KBTBD8: variants seen among roughly 807,000 people sequenced by gnomAD.
KBTBD8 encodes the protein kelch repeat and BTB domain-containing protein 8.
A neutral mutation model predicts 53.5 loss-of-function variants in KBTBD8; 31 were observed. That is an observed-to-expected ratio of 0.58 (90% CI 0.44 to 0.78). KBTBD8 has a LOEUF of 0.78. Among genes scored for constraint, KBTBD8 ranks in the 30% least tolerant of loss-of-function variants. The pLI, the probability that KBTBD8 is intolerant of heterozygous loss-of-function variation, is 0.00. For synonymous variants in KBTBD8, 250 were observed against 247.3 expected, an observed-to-expected ratio of 1.01 and a Z score of -0.10; for missense variants, 642 against 735.8, an observed-to-expected ratio of 0.87 and a Z score of 1.48.
In KBTBD8 at chr3:67,002,954, T is replaced by C. The variant is rs560118052; in HGVS notation, c.228-241T>C. 1.2e-3 allele frequency among the ~76,000 whole-genome samples: 176 copies of C among 152,328 alleles called. 1 individual carries two copies. Among genetic ancestry groups the C allele is most frequent in the African/African-American group, 4.1e-3 (169 of 41,584 alleles). ...GATTTGCATTTACTTAGGTGTACTCTCCTTTTTTCATAGTTGGCACACAGC... is the reference window on the plus strand; with the variant it reads ...GATTTGCATTTACTTAGGTGTACTCCCCTTTTTTCATAGTTGGCACACAGC... On this transcript the variant is annotated intron_variant, in intron 2 of 3. Transcript: ENST00000417314.
intron 2 of KBTBD8, among the ~76,000 whole-genome samples, chr3:67,000,779 T>G (rs914386308): frequency 4.6e-5 from 7 of 152,112 alleles, no homozygotes; most frequent in African/African-American, 1.7e-4. Context: ...TTACTGAAAT[T>G]TAATAATCTG....
At position 67,003,786 on chromosome 3, in the gene KBTBD8, C is replaced by T; in HGVS notation, c.819C>T (p.Thr273=). 1 of 1,614,136 alleles carries T rather than the reference C, an allele frequency of 6.2e-7. No individual in the cohort carries two copies. The highest frequency in any genetic ancestry group is 8.5e-7 in the Non-Finnish European group (1 of 1,180,012). The change falls in exon 3 of 4, where the codon ACC becomes ACT. Residue 273 remains threonine (T), a synonymous_variant. Transcript: ENST00000417314. Reference sequence around the variant, plus strand: ...GTGTAGAAAAGGGACCATCCAACACCAATGGCTGTACACAGAGGCTTGGAA... The same window carrying T: ...GTGTAGAAAAGGGACCATCCAACACTAATGGCTGTACACAGAGGCTTGGAA... ...KSCVEKGPSN[T]NGCTQRLGMT...
At chr3:66,998,568 TGGGTACCC>T (rs1247632070) in intron 1 of KBTBD8, among the ~76,000 whole-genome samples, 197 bp downstream of exon 1, 2 of 151,856 alleles carry the variant, frequency 1.3e-5, no homozygotes, top group African/African-American at 4.8e-5. Context: ...ATGGGGAGGC[TGGGTACCC>T]GCCGGCGCTG....
At chr3:67,004,914 A>G (rs73836459) in intron 3 of KBTBD8, among the ~76,000 whole-genome samples, 3,186 of 152,096 alleles carry the variant, frequency 0.021, 100 homozygotes, top group African/African-American at 0.071. Context: ...TACATTTTCA[A>G]TTTTTTTCAC....
rs768524380 is a variant in KBTBD8 at position 67,004,189 on chromosome 3, C to G, written c.1222C>G (p.Leu408Val). The change falls in exon 3 of 4, where the codon CTA (leucine) becomes GTA (valine). Residue 408 changes from leucine (L) to valine (V), a missense_variant. By Grantham distance (32) the Leu-to-Val change is conservative (BLOSUM62 1). Coordinates refer to ENST00000417314, the MANE Select transcript of KBTBD8 (RefSeq NM_032505.3). ...RVYEGDGRNS[L>V]KSVECYDSRE... ...TTATGAAGGTGATGGGAGAAACTCA[C>G]TAAAATCTGTTGAGTGCTACGACAG... 1.2e-6 allele frequency: 2 copies of G among 1,614,188 alleles called. No homozygotes were observed. The highest frequency in any genetic ancestry group is 1.7e-6 in the Non-Finnish European group (2 of 1,180,042).
intron 3 of KBTBD8, among the ~76,000 whole-genome samples, chr3:67,005,332 T>C (rs1702055801): frequency 6.6e-6 from 1 of 152,212 alleles, no homozygotes; most frequent in African/African-American, 2.4e-5. Context: ...ACATACACAA[T>C]GGTGGTCCTA....
At position 67,004,101 on chromosome 3, in the gene KBTBD8, A is replaced by T. The variant is rs767113712; in HGVS notation, c.1134A>T (p.Arg378=). 6.2e-7 allele frequency: 1 copy of T among 1,614,224 alleles called. No homozygotes were observed. The highest frequency in any genetic ancestry group is 8.5e-7 in the Non-Finnish European group (1 of 1,180,040). The change falls in exon 3 of 4, where the codon CGA becomes CGT. Residue 378 remains arginine (R), a synonymous_variant. Transcript: ENST00000417314. ...NRWLSKPSLL[R]ARIGCKLVYC... Reference sequence around the variant, plus strand: ...GGCTATCCAAACCATCCTTGCTTCGAGCCAGAATAGGCTGCAAACTTGTCT... The same window carrying T: ...GGCTATCCAAACCATCCTTGCTTCGTGCCAGAATAGGCTGCAAACTTGTCT...
At position 67,004,283 on chromosome 3, in the gene KBTBD8, A is replaced by G. The variant is rs1399988625; in HGVS notation, c.1316A>G (p.Tyr439Cys). The change falls in exon 3 of 4, where the codon TAC becomes TGC. Residue 439 changes from tyrosine to cysteine, a missense_variant. Tyr to Cys is a radical substitution (Grantham distance 194). Coordinates refer to ENST00000417314, the MANE Select transcript of KBTBD8 (RefSeq NM_032505.3). ...ATGGAATTTCATAATGCTGTGGAGT[A>G]CAAAGAGAAGATCTATGTTTTACAG... Reference protein sequence around the residue: ...VAMEFHNAVEYKEKIYVLQGE... With the variant: ...VAMEFHNAVECKEKIYVLQGE... 2.5e-6 allele frequency: 4 copies of G among 1,613,838 alleles called. No individual in the cohort carries two copies. Among genetic ancestry groups the G allele is most frequent in the Admixed American group, 1.7e-5 (1 of 60,010 alleles).
chr3:67,002,176 C>G (rs1702023462), intron 2 of KBTBD8, among the ~76,000 whole-genome samples: 1 of 152,128 alleles, frequency 6.6e-6, no homozygotes, highest in Non-Finnish European at 1.5e-5. Context: ...CTACCATAAT[C>G]TTTATTTATG....
In KBTBD8 at chr3:67,003,814, A is replaced by T. The variant is rs781343726; in HGVS notation, c.847A>T (p.Thr283Ser). Reference sequence around the variant, plus strand: ...TGGCTGTACACAGAGGCTTGGAATGACTGCTTCTGAAATGATCATATGTTT... The same window carrying T: ...TGGCTGTACACAGAGGCTTGGAATGTCTGCTTCTGAAATGATCATATGTTT... Reference protein sequence around the residue: ...TNGCTQRLGMTASEMIICFDA... With the variant: ...TNGCTQRLGMSASEMIICFDA... The change falls in exon 3 of 4, where the codon ACT becomes TCT. Residue 283 changes from threonine to serine, a missense_variant. Physicochemically the swap from Thr to Ser is moderately conservative, Grantham distance 58. Coordinates refer to ENST00000417314, the MANE Select transcript of KBTBD8 (RefSeq NM_032505.3). 3.1e-6 allele frequency: 5 copies of T among 1,614,080 alleles called. No homozygotes were observed. The African/African-American group carries it at 6.7e-5, about 22-fold the overall frequency.
chr3:66,999,831 G>T (rs1313224305), intron 2 of KBTBD8, among the ~76,000 whole-genome samples: 1 of 152,096 alleles, frequency 6.6e-6, no homozygotes. Flanking sequence ...TGTGCCTAAG[G>T]CCCCAAATTA....
intron 3 of KBTBD8, among the ~76,000 whole-genome samples, chr3:67,005,020 T>G (rs887981797): frequency 6.6e-6 from 1 of 152,214 alleles, no homozygotes; most frequent in African/African-American, 2.4e-5. Flanking sequence ...TTCTGTTTGT[T>G]TTTTTAACTG....
chr3:67,004,431 A>G, intron 3 of KBTBD8, 122 bp downstream of exon 3: 1 of 885,698 alleles, frequency 1.1e-6, no homozygotes, highest in South Asian at 1.6e-5. Context: ...TCCTTATCAA[A>G]CTATTGGAAC....
intron 2 of KBTBD8, among the ~76,000 whole-genome samples, chr3:67,002,853 T>C (rs778086873): frequency 3.9e-5 from 6 of 152,264 alleles, no homozygotes; most frequent in Non-Finnish European, 7.4e-5. Flanking sequence ...CTGATGTCCC[T>C]AAGGCAACTT....
rs149863845 is a variant in KBTBD8 at position 67,004,159 on chromosome 3, C to T, written c.1192C>T (p.Arg398Cys). 7.4e-6 allele frequency: 12 copies of T among 1,613,958 alleles called. No homozygotes were observed. The highest frequency in any genetic ancestry group is 2.2e-5 in the East Asian group (1 of 44,896). ...CCGKMYAIGGRVYEGDGRNSL... is the reference protein window; with the variant it reads ...CCGKMYAIGGCVYEGDGRNSL... ...TGGTAAAATGTATGCAATCGGAGGT[C>T]GTGTTTATGAAGGTGATGGGAGAAA... Residue 398 changes from arginine to cysteine, a missense_variant, in exon 3 of 4, where the codon CGT becomes TGT. Physicochemically the swap from Arg to Cys is radical, Grantham distance 180. Coordinates refer to ENST00000417314, the MANE Select transcript of KBTBD8 (RefSeq NM_032505.3).
rs564367354 is a variant in KBTBD8 at position 66,998,340 on chromosome 3, G to C, written c.-16G>C. 3 of 1,297,594 alleles carry C rather than the reference G, an allele frequency of 2.3e-6. No individual in the cohort carries two copies. The highest frequency in any genetic ancestry group is 4.1e-5 in the Admixed American group (1 of 24,348). 80.4% of individuals were successfully genotyped at this position (1,297,594 alleles called of 1,614,324 possible). On this transcript the variant is annotated 5_prime_UTR_variant, in exon 1 of 4. Transcript: ENST00000417314. Reference sequence around the variant, plus strand: ...ATTTCCTTTTTAAATAGCTGGAGTCGGGGCCCCATCGAGAAATGGCCGCGT... The same window carrying C: ...ATTTCCTTTTTAAATAGCTGGAGTCCGGGCCCCATCGAGAAATGGCCGCGT...
At position 67,008,704 on chromosome 3, in the gene KBTBD8, A is replaced by G. The variant is rs931570810; in HGVS notation, c.*319A>G. On this transcript the variant is annotated 3_prime_UTR_variant, in exon 4 of 4. Transcript: ENST00000417314. ...GACAACTATGCACTCTTATAAGAGC[A>G]TTTAGGGTATTATTGGGTAAAGACG... The G allele has an allele frequency of 2.8e-5, 7 of 252,274 alleles. No individual in the cohort carries two copies. In the Admixed American group the frequency reaches 2.9e-4, roughly 11 times the overall value. 15.6% of individuals were successfully genotyped at this position (252,274 alleles called of 1,614,324 possible). A position where few individuals can be genotyped will look rare whatever the true frequency, so the allele number is the denominator to read the frequency against.
intron 3 of KBTBD8, among the ~76,000 whole-genome samples, chr3:67,005,455 G>A (rs1702056688): frequency 6.6e-6 from 1 of 152,128 alleles, no homozygotes; most frequent in Admixed American, 6.5e-5. Flanking sequence ...ACAGTCACAT[G>A]CTGTACAGTT....
chr3:67,008,395 A>T lies in KBTBD8; in HGVS notation c.*10A>T, dbSNP rs755431644. The T allele has an allele frequency of 1.9e-6, 3 of 1,550,672 alleles. No individual in the cohort carries two copies. The highest frequency in any genetic ancestry group is 2.3e-5 in the East Asian group (1 of 44,340). ...TCAGAAAGTACTCTAAATGAGTAGCAGGCCTTAGTGCATCACTGGCATCTC... is the reference window on the plus strand; with the variant it reads ...TCAGAAAGTACTCTAAATGAGTAGCTGGCCTTAGTGCATCACTGGCATCTC... On this transcript the variant is annotated 3_prime_UTR_variant, in exon 4 of 4. Coordinates refer to ENST00000417314, the MANE Select transcript of KBTBD8 (RefSeq NM_032505.3).
Sources: allele counts gnomAD v4.1 joint callset (sites outside exome capture counted in the v4.1 genomes callset), GRCh38; gene constraint gnomAD v4.1.1; transcripts MANE v1.5; gene names NCBI Gene and HGNC (gene_info 2026-07-23, HGNC 2026-07-21).